Variants in NTF3 observed in about 807,000 individuals in gnomAD.
The protein encoded by NTF3 is neurotrophin-3.
A neutral mutation model predicts 26.3 loss-of-function variants in NTF3; 8 were observed. The ratio of observed to expected loss-of-function variants is 0.30; its 90% CI spans 0.18 to 0.55. The LOEUF (loss-of-function observed/expected upper bound fraction) is 0.55. Among genes scored for constraint, NTF3 ranks in the 20% least tolerant of loss-of-function variants. The pLI is 0.93. For synonymous variants in NTF3, 154 were observed against 145.5 expected, an observed-to-expected ratio of 1.06 and a Z score of -0.42; for missense variants, 276 against 352.9, an observed-to-expected ratio of 0.78 and a Z score of 1.75.
intron 1 of NTF3, among the ~76,000 whole-genome samples, chr12:5,455,945 G>A (rs1372535337): frequency 6.6e-6 from 1 of 152,168 alleles, no homozygotes; most frequent in Non-Finnish European, 1.5e-5. Flanking sequence ...TGGCAGTCTG[G>A]GGGTCATGAT....
chr12:5,462,035 CT>C (rs1940532087), intron 1 of NTF3, among the ~76,000 whole-genome samples: 1 of 152,194 alleles, frequency 6.6e-6, no homozygotes, highest in Non-Finnish European at 1.5e-5. Flanking sequence ...ACGGCCTGTT[CT>C]TTCATTGAAT....
At chr12:5,489,235 T>C (rs753695811) in intron 1 of NTF3, among the ~76,000 whole-genome samples, 5 of 152,186 alleles carry the variant, frequency 3.3e-5, no homozygotes, top group Non-Finnish European at 5.9e-5. Flanking sequence ...GGACACAGGA[T>C]TGATGGCCTC....
intron 1 of NTF3, among the ~76,000 whole-genome samples, chr12:5,479,599 T>C (rs1454711080): frequency 6.6e-6 from 1 of 152,218 alleles, no homozygotes; most frequent in Non-Finnish European, 1.5e-5. Context: ...TAGTTTTACA[T>C]CTAGCAGTAA....
chr12:5,485,895 T>G (rs1940860891), intron 1 of NTF3, among the ~76,000 whole-genome samples: 1 of 152,142 alleles, frequency 6.6e-6, no homozygotes, highest in Non-Finnish European at 1.5e-5. Flanking sequence ...TCTGCCTCAG[T>G]TCCCTAGTCT....
At chr12:5,468,525 C>A (rs1449425416) in intron 1 of NTF3, among the ~76,000 whole-genome samples, 1 of 152,146 alleles carries the variant, frequency 6.6e-6, no homozygotes, top group Non-Finnish European at 1.5e-5. Flanking sequence ...AGTCTTCATG[C>A]CTATGCTGTT....
chr12:5,491,871 C>T (rs937538112), intron 1 of NTF3, among the ~76,000 whole-genome samples: 1 of 151,920 alleles, frequency 6.6e-6, no homozygotes, highest in Non-Finnish European at 1.5e-5. Context: ...AGGCTGCCAC[C>T]GTGCCCTGCT....
At chr12:5,470,648 C>G (rs1032050856) in intron 1 of NTF3, among the ~76,000 whole-genome samples, 1 of 152,146 alleles carries the variant, frequency 6.6e-6, no homozygotes, top group African/African-American at 2.4e-5. Context: ...GGTGAGCGTG[C>G]CCCCTGCCTT....
chr12:5,494,222 T>C lies in NTF3; in HGVS notation c.47T>C (p.Ile16Thr). The change falls in exon 2 of 2, where the codon ATC (isoleucine) becomes ACC (threonine). Residue 16 changes from isoleucine (I) to threonine (T), a missense_variant. This residue lies in a region of NTF3 where 221 missense variants were observed against 258.2 expected (regional missense o/e 0.86). Coordinates refer to ENST00000423158, the MANE Select transcript of NTF3 (RefSeq NM_001102654.2). The surrounding 1 kb of genome is among the most constrained non-coding windows in gnomAD (Gnocchi z 8.3). The stretch of plus-strand genomic sequence containing the variant: ...TTACAGGTGAACAAGGTGATGTCCA[T>C]CTTGTTTTATGTGATATTTCTCGCT... ...TILQVNKVMS[I>T]LFYVIFLAYL... 6.2e-7 allele frequency: 1 copy of C among 1,613,930 alleles called. No homozygotes were observed. Among genetic ancestry groups the C allele is most frequent in the Non-Finnish European group, 8.5e-7 (1 of 1,179,996 alleles).
At chr12:5,451,987 C>G (rs768498345) in intron 1 of NTF3, among the ~76,000 whole-genome samples, 1 of 152,172 alleles carries the variant, frequency 6.6e-6, no homozygotes, top group Non-Finnish European at 1.5e-5. Flanking sequence ...GCGACCATGC[C>G]CAGCTCCCTT....
chr12:5,481,521 CACACACAGACACATTCACAGA>C (rs1565395290), intron 1 of NTF3, among the ~76,000 whole-genome samples: 46 of 11,994 alleles, frequency 3.8e-3, no homozygotes, highest in East Asian at 7.9e-3. Context: ...CACACATGCA[CACACACAGACACATTCACAGA>C]ATACATATAT....
At chr12:5,439,128 G>T (rs1940207647) in intron 1 of NTF3, among the ~76,000 whole-genome samples, 1 of 152,182 alleles carries the variant, frequency 6.6e-6, no homozygotes, top group Non-Finnish European at 1.5e-5. Context: ...TAATCATTCA[G>T]CTTCCACGTG....
intron 1 of NTF3, among the ~76,000 whole-genome samples, chr12:5,432,604 CACAG>C (rs1555141048): frequency 1.7e-3 from 231 of 139,692 alleles, no homozygotes; most frequent in African/African-American, 5.8e-3. Context: ...CACACACACA[CACAG>C]ACACGGACAC....
At chr12:5,488,472 A>G (rs1248072846) in intron 1 of NTF3, among the ~76,000 whole-genome samples, 1 of 152,180 alleles carries the variant, frequency 6.6e-6, no homozygotes, top group Non-Finnish European at 1.5e-5. Flanking sequence ...TCTCTCTCCC[A>G]GCTCTCAGCT....
upstream of NTF3, among the ~76,000 whole-genome samples, chr12:5,431,826 A>G (rs1940091598): frequency 1.3e-5 from 2 of 151,974 alleles, no homozygotes; most frequent in Admixed American, 6.6e-5. Flanking sequence ...CTAAAAGGGA[A>G]CTCAAGGGTG....
chr12:5,436,324 T>A (rs1940167774), intron 1 of NTF3, among the ~76,000 whole-genome samples: 1 of 152,208 alleles, frequency 6.6e-6, no homozygotes. Flanking sequence ...GAAACTCATC[T>A]GTGTAAGAGA....
intron 1 of NTF3, among the ~76,000 whole-genome samples, chr12:5,476,988 T>C (rs2121223651): frequency 6.6e-6 from 1 of 152,348 alleles, no homozygotes; most frequent in Middle Eastern, 3.4e-3. Context: ...TTTTAAATTT[T>C]TCTTCAATAA....
chr12:5,456,783 C>G lies in NTF3; in HGVS notation c.18+24441C>G, dbSNP rs1267206215. The stretch of plus-strand genomic sequence containing the variant: ...GATATTTGCCAAGATTTTTACCAGG[C>G]TTCCTGGAATAGACAGGGAAGCAGA... On this transcript the variant is annotated intron_variant, in intron 1 of 1. Transcript: ENST00000423158. This position sits in a 1 kb window ranked among gnomAD's most constrained non-coding sequence, Gnocchi z 4.4. 6.6e-6 allele frequency among the ~76,000 whole-genome samples: 1 copy of G among 152,224 alleles called. No homozygotes were observed. The highest frequency in any genetic ancestry group is 2.4e-5 in the African/African-American group (1 of 41,446).
At position 5,456,510 on chromosome 12, in the gene NTF3, G is replaced by C. The variant is rs555201286; in HGVS notation, c.18+24168G>C. On this transcript the variant is annotated intron_variant, in intron 1 of 1. Transcript: ENST00000423158. This position sits in a 1 kb window ranked among gnomAD's most constrained non-coding sequence, Gnocchi z 4.4. ...AACGGCACCTAACCACCTCAGGCAC[G>C]GTGGACCTGGCTCCTCAGAGAGCTC... is the stretch of plus-strand genomic sequence containing the variant. 1.3e-5 allele frequency among the ~76,000 whole-genome samples: 2 copies of C among 152,052 alleles called. No individual in the cohort carries two copies. Among genetic ancestry groups the C allele is most frequent in the African/African-American group, 2.4e-5 (1 of 41,402 alleles).
rs369447541 is a variant in NTF3, at chr12:5,494,814, G to A, written c.639G>A (p.Pro213=). Residue 213 remains proline, a synonymous_variant, in exon 2 of 2, where the codon CCG becomes CCA. Transcript: ENST00000423158. The surrounding 1 kb of genome is among the most constrained non-coding windows in gnomAD (Gnocchi z 8.3). ...AAACGCGATGTAAGGAAGCCAGGCC[G>A]GTCAAAAACGGTTGCAGGGGTATTG... ...FYETRCKEAR[P]VKNGCRGIDD... The A allele has an allele frequency of 7.1e-5, 114 of 1,613,954 alleles. 1 individual carries two copies. The highest frequency in any genetic ancestry group is 9.2e-5 in the Non-Finnish European group (108 of 1,180,032).
Sources: gnomAD v4.1 joint callset for allele counts (sites outside exome capture counted in the v4.1 genomes callset) on GRCh38, gnomAD v4.1.1 for gene constraint, gnomAD v4.1.1 regional missense constraint, Gnocchi (gnomAD v3.1) non-coding constraint, MANE v1.5 for transcripts, NCBI Gene and HGNC (gene_info 2026-07-23, HGNC 2026-07-21) for gene names.